Variants in RNF168 observed in about 807,000 individuals in gnomAD.
RNF168 encodes the protein ring finger protein 168.
A neutral mutation model predicts 34.9 loss-of-function variants in RNF168; 34 were observed. The ratio of observed to expected loss-of-function variants is 0.97; its 90% CI spans 0.74 to 1.30. The LOEUF is 1.30. Among genes scored for constraint, RNF168 ranks in the 50% most tolerant of loss-of-function variants. RNF168 has a pLI of 0.00. For synonymous variants in RNF168, 264 were observed against 254.7 expected, an observed-to-expected ratio of 1.04 and a Z score of -0.35; for missense variants, 725 against 682.5, an observed-to-expected ratio of 1.06 and a Z score of -0.69.
Position 196,472,448 on chromosome 3 carries a change from G to A in RNF168, c.1087C>T (p.Gln363Ter). The A allele has an allele frequency of 6.2e-7, 1 of 1,613,872 alleles. No homozygotes were observed. The highest frequency in any genetic ancestry group is 1.3e-5 in the African/African-American group (1 of 74,998). The change falls in exon 6 of 6, where the codon CAG (glutamine) becomes TAG (stop). Residue 363 changes from glutamine to a stop codon, truncating the protein, a stop_gained. Coordinates refer to ENST00000318037, the MANE Select transcript of RNF168 (RefSeq NM_152617.4). LOFTEE classifies it low-confidence loss of function (END_TRUNC). ...TCACCTGTGTTGTTTCCATTTGTCT[G>A]TGTCACCCCTGATGTGGGGGCGCAC... ...SGCAPTSGVT[Q>*]TNGNNTGETE...
At chr3:196,495,658 C>G (rs565342636) in intron 1 of RNF168, among the ~76,000 whole-genome samples, 5 of 152,290 alleles carry the variant, frequency 3.3e-5, no homozygotes, top group Non-Finnish European at 7.3e-5. Context: ...CACTTCATTA[C>G]TGTGGTAACA....
chr3:196,491,123 G>C (rs1027186725), intron 1 of RNF168, among the ~76,000 whole-genome samples: 9 of 151,814 alleles, frequency 5.9e-5, no homozygotes, highest in African/African-American at 2.2e-4. Flanking sequence ...GACCAGCCTG[G>C]CCAATATGGT....
chr3:196,472,060 T>C lies in RNF168; in HGVS notation c.1475A>G (p.Lys492Arg). Residue 492 changes from lysine (K) to arginine (R), a missense_variant, in exon 6 of 6, where the codon AAG (lysine) becomes AGG (arginine). Lys to Arg is a conservative substitution (Grantham distance 26). Transcript: ENST00000318037. Reference sequence around the variant, plus strand: ...TTTGAAGTTCCCATCTTTGGGATTCTTCCTCTGTCCATTTAGCACTTTGTC... The same window carrying C: ...TTTGAAGTTCCCATCTTTGGGATTCCTCCTCTGTCCATTTAGCACTTTGTC... ...PPDKVLNGQR[K>R]NPKDGNFKRQ... The C allele has an allele frequency of 6.2e-7, 1 of 1,613,812 alleles. No homozygotes were observed. The highest frequency in any genetic ancestry group is 8.5e-7 in the Non-Finnish European group (1 of 1,179,790).
Position 196,475,280 on chromosome 3 carries a change from G to C in RNF168, c.713C>G (p.Ala238Gly). Residue 238 changes from alanine to glycine, a missense_variant, in exon 5 of 6, where the codon GCC becomes GGC. Ala to Gly is a moderately conservative substitution (Grantham distance 60). Coordinates refer to ENST00000318037, the MANE Select transcript of RNF168 (RefSeq NM_152617.4). ...YLTPKSQFGS[A>G]SHSEAVQEVR... ...TTCTTGTACAGCTTCAGAGTGTGAG[G>C]CTGACCCAAACTGAGATTTCGGTGT... 6.2e-7 allele frequency: 1 copy of C among 1,611,318 alleles called. No individual in the cohort carries two copies. The highest frequency in any genetic ancestry group is 8.5e-7 in the Non-Finnish European group (1 of 1,177,508).
chr3:196,480,924 C>T (rs1732270661), intron 4 of RNF168, among the ~76,000 whole-genome samples: 2 of 152,184 alleles, frequency 1.3e-5, no homozygotes. Context: ...GGATTATAGG[C>T]ATGAGCCACC....
rs1424039437 is a variant in RNF168 at position 196,503,617 on chromosome 3, C to T, written c.-444G>A. ...AGCCCGGGCTCCGGCTGCAGCATAA[C>T]TTCCGCTTTACCGCTGCTGCGGGGG... On this transcript the variant is annotated 5_prime_UTR_variant, in exon 1 of 6. Coordinates refer to ENST00000318037, the MANE Select transcript of RNF168 (RefSeq NM_152617.4). 3 of 232,792 alleles carry T rather than the reference C, an allele frequency of 1.3e-5. No individual in the cohort carries two copies. Among genetic ancestry groups the T allele is most frequent in the South Asian group, 4.7e-5 (1 of 21,176 alleles). The allele number at this position is 232,792 out of a possible 1,614,324, so 14.4% of individuals were successfully genotyped here. A position where few individuals can be genotyped will look rare whatever the true frequency, so the allele number is the denominator to read the frequency against.
chr3:196,469,066 A>G lies in RNF168; in HGVS notation c.*2753T>C, dbSNP rs1731939496. ...ATAAATCCCAAATATATCACACCAT[A>G]TATGTGATATATTTACACCTAAATA... On this transcript the variant is annotated 3_prime_UTR_variant, in exon 6 of 6. Coordinates refer to ENST00000318037, the MANE Select transcript of RNF168 (RefSeq NM_152617.4). 6.6e-6 allele frequency: 1 copy of G among 152,194 alleles called. No homozygotes were observed. The highest frequency in any genetic ancestry group is 2.4e-5 in the African/African-American group (1 of 41,442). 9.4% of individuals were successfully genotyped at this position (152,194 alleles called of 1,614,324 possible). A position where few individuals can be genotyped will look rare whatever the true frequency, so the allele number is the denominator to read the frequency against.
chr3:196,502,463 G>A (rs929730343), intron 1 of RNF168, among the ~76,000 whole-genome samples: 1 of 151,958 alleles, frequency 6.6e-6, no homozygotes, highest in East Asian at 1.9e-4. Flanking sequence ...TGGTGCACGC[G>A]TGTAACCCCA....
Position 196,472,656 on chromosome 3 carries a change from TG to T in RNF168, c.878del (p.Ser293Ter). ...LGVGEQGADS[S>X]IESPMPWLCA... The stretch of plus-strand genomic sequence containing the variant: ...ATAACCATGGCATAGGGGACTCTAT[TG>T]AAGAATCTGCACCTTGTTCTCCAAC... On this transcript the variant is annotated frameshift_variant, in exon 6 of 6. Coordinates refer to ENST00000318037, the MANE Select transcript of RNF168 (RefSeq NM_152617.4). LOFTEE classifies it low-confidence loss of function (END_TRUNC). The T allele has an allele frequency of 6.2e-7, 1 of 1,608,862 alleles. No individual in the cohort carries two copies. Among genetic ancestry groups the T allele is most frequent in the Non-Finnish European group, 8.5e-7 (1 of 1,175,662 alleles).
At chr3:196,476,116 TC>T (rs1732144664) in intron 4 of RNF168, among the ~76,000 whole-genome samples, 1 of 152,064 alleles carries the variant, frequency 6.6e-6, no homozygotes, top group South Asian at 2.1e-4. Context: ...TGTCTCAGCC[TC>T]CCAAAGTGCT....
intron 4 of RNF168, among the ~76,000 whole-genome samples, chr3:196,478,329 T>C (rs1261559614): frequency 6.6e-6 from 1 of 152,232 alleles, no homozygotes; most frequent in African/African-American, 2.4e-5. Context: ...ACTACTCTTG[T>C]GCCAGTCACC....
In RNF168 at chr3:196,470,659, T is replaced by C. The variant is rs534173850; in HGVS notation, c.*1160A>G. 1 of 152,882 alleles carries C rather than the reference T, an allele frequency of 6.5e-6. No homozygotes were observed. Among genetic ancestry groups the C allele is most frequent in the South Asian group, 2.0e-4 (1 of 5,084 alleles). 9.5% of individuals were successfully genotyped at this position (152,882 alleles called of 1,614,324 possible). A position where few individuals can be genotyped will look rare whatever the true frequency, so the allele number is the denominator to read the frequency against. The stretch of plus-strand genomic sequence containing the variant: ...TCTGGACCCGTTTCTGACGACCTAA[T>C]CAGTTTCAATGATCCAGACTGTCAG... On this transcript the variant is annotated 3_prime_UTR_variant, in exon 6 of 6. Transcript: ENST00000318037.
At chr3:196,488,390 G>C (rs568525402) in intron 2 of RNF168, among the ~76,000 whole-genome samples, 59 of 151,818 alleles carry the variant, frequency 3.9e-4, no homozygotes, top group Non-Finnish European at 8.2e-4. Context: ...GCTGAGGCAG[G>C]AGAATGGCAT....
chr3:196,472,657 G>C lies in RNF168; in HGVS notation c.878C>G (p.Ser293Ter), dbSNP rs1732039805. ...TAACCATGGCATAGGGGACTCTATT[G>C]AAGAATCTGCACCTTGTTCTCCAAC... is the stretch of plus-strand genomic sequence containing the variant. ...LGVGEQGADSSIESPMPWLCA... is the reference protein window; with the variant it reads ...LGVGEQGADS The change falls in exon 6 of 6, where the codon TCA (serine) becomes TGA (stop). Residue 293 changes from serine to a stop codon, truncating the protein, a stop_gained. Coordinates refer to ENST00000318037, the MANE Select transcript of RNF168 (RefSeq NM_152617.4). LOFTEE classifies it low-confidence loss of function (END_TRUNC). 5 of 1,608,550 alleles carry C rather than the reference G, an allele frequency of 3.1e-6. No individual in the cohort carries two copies. The East Asian group carries it at 1.1e-4, about 36-fold the overall frequency.
chr3:196,496,974 C>T (rs1044180090), intron 1 of RNF168, among the ~76,000 whole-genome samples: 2 of 151,956 alleles, frequency 1.3e-5, no homozygotes, highest in African/African-American at 2.4e-5. Context: ...GTGAAACTCC[C>T]GTCTCTATTA....
chr3:196,497,931 T>C (rs1025543861), intron 1 of RNF168, among the ~76,000 whole-genome samples: 2 of 152,124 alleles, frequency 1.3e-5, no homozygotes, highest in African/African-American at 4.8e-5. Flanking sequence ...CACTTTACAA[T>C]GGAAGAGGGC....
intron 4 of RNF168, among the ~76,000 whole-genome samples, chr3:196,481,897 TCCTACCACCTCAGA>T (rs1732301007): frequency 6.6e-6 from 1 of 150,918 alleles, no homozygotes; most frequent in Admixed American, 6.6e-5. Flanking sequence ...CCTCAAGCAA[TCCTACCACCTCAGA>T]CCTCAGCCTC....
chr3:196,474,529 C>A (rs2108644963), intron 5 of RNF168, among the ~76,000 whole-genome samples: 1 of 151,070 alleles, frequency 6.6e-6, no homozygotes, highest in East Asian at 1.9e-4. Context: ...CTCACCGCAA[C>A]CTCTACCTCC....
intron 5 of RNF168, among the ~76,000 whole-genome samples, chr3:196,473,866 T>C (rs9864836): frequency 0.74 from 113,105 of 151,980 alleles, 43,878 homozygotes; most frequent in African/African-American, 0.93. Flanking sequence ...GTTTGGAAGA[T>C]AAAGCTTGGG....
Sources: gnomAD v4.1 joint callset for allele counts (sites outside exome capture counted in the v4.1 genomes callset) on GRCh38, gnomAD v4.1.1 for gene constraint, MANE v1.5 for transcripts, NCBI Gene and HGNC (gene_info 2026-07-23, HGNC 2026-07-21) for gene names.